PRKG1: variants seen among roughly 807,000 people sequenced by gnomAD.
The protein encoded by PRKG1 is cGMP-dependent protein kinase 1.
A neutral mutation model predicts 88.1 loss-of-function variants in PRKG1; 35 were observed. The ratio of observed to expected loss-of-function variants is 0.40; its 90% confidence interval spans 0.30 to 0.53. The LOEUF is 0.53. PRKG1 is among the 20% of genes least tolerant of loss of function. The pLI, the probability that PRKG1 is intolerant of heterozygous loss-of-function variation, is 0.59. For synonymous variants in PRKG1, 303 were observed against 292.5 expected (o/e 1.04, Z -0.37); for missense variants, 540 against 839.8 (o/e 0.64, Z 4.41).
chr10:51,483,269 C>A (rs999700832), intron 3 of PRKG1, among the ~76,000 whole-genome samples: 18 of 152,148 alleles, frequency 1.2e-4, no homozygotes, highest in East Asian at 1.9e-4. Flanking sequence ...GATCCACATG[C>A]CTCGGCCTCC....
intron 3 of PRKG1, among the ~76,000 whole-genome samples, chr10:51,801,437 A>G (rs973497078): frequency 2.0e-5 from 3 of 152,144 alleles, no homozygotes; most frequent in African/African-American, 7.2e-5. Context: ...CAGATTTGGC[A>G]TGGATAATAG....
chr10:51,502,935 G>A (rs144100619), intron 3 of PRKG1, among the ~76,000 whole-genome samples: 1 of 152,266 alleles, frequency 6.6e-6, no homozygotes, highest in East Asian at 1.9e-4. Context: ...TCAAAGATGA[G>A]TGCATTTGAA....
At chr10:52,007,687 A>G (rs1346775306) in intron 5 of PRKG1, among the ~76,000 whole-genome samples, 1 of 152,210 alleles carries the variant, frequency 6.6e-6, no homozygotes, top group Non-Finnish European at 1.5e-5. Flanking sequence ...GAAGTCTTCA[A>G]CACTCCACTG....
intron 2 of PRKG1, among the ~76,000 whole-genome samples, chr10:51,255,926 T>C (rs7083820): frequency 0.012 from 1,770 of 152,178 alleles, 33 homozygotes; most frequent in African/African-American, 0.039. Context: ...CCACCTCCTT[T>C]TGCAGATGAG....
chr10:51,427,267 C>G (rs973728074), intron 2 of PRKG1, among the ~76,000 whole-genome samples: 1 of 152,050 alleles, frequency 6.6e-6, no homozygotes, highest in African/African-American at 2.4e-5. Flanking sequence ...GAGAAAGAAG[C>G]AAAACCCACA....
Position 51,176,123 on chromosome 10 carries a change from A to G in PRKG1, c.478+22793A>G, listed in dbSNP as rs1837185210. Among the ~76,000 whole-genome samples the G allele has an allele frequency of 2.0e-5, 3 of 152,184 alleles. No homozygotes were observed. In the South Asian group the frequency reaches 6.2e-4, roughly 31 times the overall value. Reference sequence around the variant, plus strand: ...AGGGCTAGAATCAAGATATATGAATACAAACTACGATTGAAATTTTGATTT... The same window carrying G: ...AGGGCTAGAATCAAGATATATGAATGCAAACTACGATTGAAATTTTGATTT... On this transcript the variant is annotated intron_variant, in intron 2 of 17. Coordinates refer to ENST00000373980, the MANE Select transcript of PRKG1 (RefSeq NM_006258.4).
intron 1 of PRKG1, among the ~76,000 whole-genome samples, chr10:51,051,307 G>A (rs962938291): frequency 9.2e-5 from 14 of 152,004 alleles, no homozygotes; most frequent in Admixed American, 4.6e-4. Flanking sequence ...TTACATTTAA[G>A]CCTTTAATCC....
At chr10:51,218,083 G>A (rs531473348) in intron 2 of PRKG1, among the ~76,000 whole-genome samples, 5 of 152,096 alleles carry the variant, frequency 3.3e-5, no homozygotes, top group South Asian at 2.1e-4. Flanking sequence ...TACTTATGTC[G>A]TTAACTGTTA....
intron 3 of PRKG1, among the ~76,000 whole-genome samples, chr10:51,679,596 C>A (rs1840792366): frequency 6.6e-6 from 1 of 151,954 alleles, no homozygotes; most frequent in Admixed American, 6.6e-5. Context: ...CACTGGGGAA[C>A]TAGGTCTTGC....
intron 10 of PRKG1, among the ~76,000 whole-genome samples, chr10:52,270,076 T>G (rs1841677488): frequency 6.6e-6 from 1 of 152,094 alleles, no homozygotes; most frequent in African/African-American, 2.4e-5. Flanking sequence ...GTTACAATTT[T>G]TTTTCTCTTT....
intron 2 of PRKG1, among the ~76,000 whole-genome samples, chr10:51,381,256 T>TA (rs71029366): frequency 6.9e-4 from 22 of 32,052 alleles, no homozygotes; most frequent in East Asian, 1.3e-3. Context: ...GCCTCCATCT[T>TA]AAAAAAAAAA....
At chr10:51,853,881 T>C (rs1840617471) in intron 4 of PRKG1, among the ~76,000 whole-genome samples, 1 of 152,130 alleles carries the variant, frequency 6.6e-6, no homozygotes, top group African/African-American at 2.4e-5. Context: ...TTTGTGGGTG[T>C]TTGTAAGTTT....
At chr10:51,958,804 T>G (rs759358315) in intron 5 of PRKG1, among the ~76,000 whole-genome samples, 8 of 152,164 alleles carry the variant, frequency 5.3e-5, no homozygotes, top group Non-Finnish European at 1.2e-4. Flanking sequence ...TTTAACAGCA[T>G]CAAATATTAG....
At chr10:51,628,000 CTCTCTCTCTCTTTCTTTCTT>C (rs1564579816) in intron 3 of PRKG1, among the ~76,000 whole-genome samples, 3 of 45,902 alleles carry the variant, frequency 6.5e-5, no homozygotes, top group African/African-American at 1.8e-4. Flanking sequence ...TTCTCTCTCT[CTCTCTCTCTCTTTCTTTCTT>C]TCTTTCTTTC....
chr10:51,442,424 C>T (rs970601033), intron 2 of PRKG1, among the ~76,000 whole-genome samples: 1 of 151,912 alleles, frequency 6.6e-6, no homozygotes, highest in Non-Finnish European at 1.5e-5. Flanking sequence ...GTGACTCTAT[C>T]CTACCTCCCT....
intron 1 of PRKG1, among the ~76,000 whole-genome samples, chr10:51,095,419 C>A (rs192679254): frequency 1.3e-5 from 2 of 152,128 alleles, no homozygotes; most frequent in South Asian, 2.1e-4. Context: ...CAGGTTCAAG[C>A]GGGGGACTTT....
At chr10:51,123,410 G>T (rs1274656278) in intron 1 of PRKG1, among the ~76,000 whole-genome samples, 1 of 152,126 alleles carries the variant, frequency 6.6e-6, no homozygotes, top group East Asian at 1.9e-4. Context: ...CTGAGCCCGG[G>T]CCTGGTGGCT....
chr10:51,847,546 T>G (rs1003054539), intron 4 of PRKG1, among the ~76,000 whole-genome samples: 8 of 151,824 alleles, frequency 5.3e-5, no homozygotes, highest in African/African-American at 1.7e-4. Context: ...AAATAAAATT[T>G]TATTATATAT....
At chr10:52,075,649 G>A (rs1028199390) in intron 7 of PRKG1, among the ~76,000 whole-genome samples, 3 of 152,198 alleles carry the variant, frequency 2.0e-5, no homozygotes, top group Middle Eastern at 3.2e-3. Flanking sequence ...AAAAAATACT[G>A]TAGATTAGGT....
Sources: allele counts gnomAD v4.1 joint callset (sites outside exome capture counted in the v4.1 genomes callset), GRCh38; gene constraint gnomAD v4.1.1; transcripts MANE v1.5; gene names NCBI Gene and HGNC (gene_info 2026-07-23, HGNC 2026-07-21).